Variants in TMEM40 observed in about 807,000 individuals in gnomAD.
TMEM40 encodes the protein transmembrane protein 40.
A neutral mutation model predicts 40.8 loss-of-function variants in TMEM40; 34 were observed. The ratio of observed to expected loss-of-function variants is 0.83; its 90% CI spans 0.63 to 1.11. The LOEUF (loss-of-function observed/expected upper bound fraction) is 1.11, where lower values mean the gene tolerates loss of function less well. TMEM40 is among the 50% of genes least tolerant of loss of function. The pLI is 0.00. For missense variants in TMEM40, 296 were observed against 280.2 expected (o/e 1.06, Z -0.40); for synonymous variants, 106 against 107.0 (o/e 0.99, Z 0.06).
At chr3:12,745,169 C>G (rs1330995825) in intron 3 of TMEM40, among the ~76,000 whole-genome samples, 3 of 151,794 alleles carry the variant, frequency 2.0e-5, no homozygotes, top group Non-Finnish European at 4.4e-5. Flanking sequence ...AAGCGATTCT[C>G]TTGTCTCAGC....
chr3:12,734,850 C>G, intron 11 of TMEM40, 57 bp from the exon 12 acceptor site: 2 of 1,563,710 alleles, frequency 1.3e-6, no homozygotes, highest in Non-Finnish European at 1.7e-6. Context: ...AGGCTTCATC[C>G]CCACCATCAC....
rs147042676 is a variant in TMEM40, at chr3:12,735,579, G to T, written c.658C>A (p.Leu220Ile). 2.6e-5 allele frequency: 42 copies of T among 1,613,466 alleles called. No homozygotes were observed. Among genetic ancestry groups the T allele is most frequent in the Non-Finnish European group, 3.5e-5 (41 of 1,179,810 alleles). Reference sequence around the variant, plus strand: ...CCTGTCAGCCTAAACTTCTGGAAGAGGGGGATGAAGCCTTGGAGGACGCTG... The same window carrying T: ...CCTGTCAGCCTAAACTTCTGGAAGATGGGGATGAAGCCTTGGAGGACGCTG... ...IHSVLQGFIP[L>I]FQKFRLTGFR... is the part of the protein sequence containing the mutation. Residue 220 changes from leucine to isoleucine, a missense_variant, in exon 11 of 12, where the codon CTC (leucine) becomes ATC (isoleucine). Coordinates refer to ENST00000314124, the MANE Select transcript of TMEM40 (RefSeq NM_018306.4).
intron 1 of TMEM40, among the ~76,000 whole-genome samples, chr3:12,752,760 G>A (rs189881215): frequency 5.3e-5 from 8 of 151,744 alleles, no homozygotes; most frequent in Middle Eastern, 3.4e-3. Context: ...TTGAGATCGC[G>A]CGACTGCACT....
chr3:12,762,232 A>G (rs866102234), upstream of TMEM40, among the ~76,000 whole-genome samples: 28 of 152,328 alleles, frequency 1.8e-4, no homozygotes, highest in African/African-American at 6.5e-4. Context: ...GGGTTCCCAA[A>G]GTGCTGGGAT....
intron 1 of TMEM40, among the ~76,000 whole-genome samples, chr3:12,757,595 G>C (rs886844343): frequency 1.3e-5 from 2 of 152,046 alleles, no homozygotes; most frequent in African/African-American, 2.4e-5. Flanking sequence ...ACACTAACAA[G>C]TATTGGTGAG....
intron 3 of TMEM40, among the ~76,000 whole-genome samples, chr3:12,746,526 G>A (rs2061429901): frequency 6.6e-6 from 1 of 152,206 alleles, no homozygotes; most frequent in African/African-American, 2.4e-5. Context: ...AGAGATGGTG[G>A]ATGTGACTAT....
intron 3 of TMEM40, among the ~76,000 whole-genome samples, chr3:12,748,069 G>C (rs2061443154): frequency 6.6e-6 from 1 of 152,146 alleles, no homozygotes; most frequent in Non-Finnish European, 1.5e-5. Flanking sequence ...ATAAACCTGG[G>C]AGGGGAAGAC....
chr3:12,764,447 C>G (rs1336997993), intron 1 of TMEM40, among the ~76,000 whole-genome samples: 1 of 152,184 alleles, frequency 6.6e-6, no homozygotes, highest in East Asian at 1.9e-4. Context: ...TCTTTCTATG[C>G]CTTCATGGAG....
chr3:12,743,223 T>C (rs1221157420), intron 4 of TMEM40, among the ~76,000 whole-genome samples: 2 of 152,242 alleles, frequency 1.3e-5, no homozygotes, highest in African/African-American at 4.8e-5. Context: ...ATCCCAGCAC[T>C]TTGGGAGGCC....
chr3:12,750,042 T>C (rs61422824), intron 1 of TMEM40, among the ~76,000 whole-genome samples: 17,899 of 151,376 alleles, frequency 0.12, 3,038 homozygotes, highest in African/African-American at 0.37. Flanking sequence ...GAGTGGGAAT[T>C]GGGGTGGTGG....
At position 12,734,741 on chromosome 3, in the gene TMEM40, G is replaced by A. The variant is rs754055798; in HGVS notation, c.*33C>T. 2 of 1,584,366 alleles carry A rather than the reference G, an allele frequency of 1.3e-6. No individual in the cohort carries two copies. Among genetic ancestry groups the A allele is most frequent in the Non-Finnish European group, 8.6e-7 (1 of 1,166,610 alleles). On this transcript the variant is annotated 3_prime_UTR_variant, in exon 12 of 12. Transcript: ENST00000314124. ...AGGGGTCGCAGTGGTGGTCACACTG[G>A]GGCCTGCCTCTGCTGCCCACCTGGA...
At chr3:12,738,284 G>GC (rs2061353150) in intron 6 of TMEM40, 116 bp from the exon 7 acceptor site, 1 of 1,206,494 alleles carries the variant, frequency 8.3e-7, no homozygotes, top group Non-Finnish European at 1.2e-6. Context: ...GAATTCTGCA[G>GC]CCCCCACGGT....
intron 8 of TMEM40, among the ~76,000 whole-genome samples, chr3:12,737,367 A>G (rs1575729858): frequency 6.6e-6 from 1 of 150,806 alleles, no homozygotes; most frequent in African/African-American, 2.4e-5. Context: ...AGCTCAGCTG[A>G]CCCTCCAGTT....
In TMEM40 at chr3:12,736,577, C is replaced by T; in HGVS notation, c.619+1G>A. 1.9e-6 allele frequency: 3 copies of T among 1,553,662 alleles called. No individual in the cohort carries two copies. Among genetic ancestry groups the T allele is most frequent in the Non-Finnish European group, 2.6e-6 (3 of 1,148,006 alleles). On this transcript the variant is annotated splice_donor_variant, in intron 10 of 11. Coordinates refer to ENST00000314124, the MANE Select transcript of TMEM40 (RefSeq NM_018306.4). LOFTEE classifies it high-confidence loss of function. ...GTGTCCATGCTGGGGGAGGGGCTTA[C>T]CTAGTCCGAAGTAGATGCCAACGGT...
At chr3:12,764,758 T>A (rs1019360670) in intron 1 of TMEM40, among the ~76,000 whole-genome samples, 1 of 152,242 alleles carries the variant, frequency 6.6e-6, no homozygotes, top group African/African-American at 2.4e-5. Context: ...AACCCTCAGA[T>A]GCCTGTGTCC....
chr3:12,739,123 G>A (rs139009701), intron 5 of TMEM40: 116 of 153,338 alleles, frequency 7.6e-4, no homozygotes, highest in African/African-American at 2.6e-3. Context: ...ACTGCACTCC[G>A]GCCTGGCGAC....
At chr3:12,737,337 T>C (rs2106605682) in intron 8 of TMEM40, among the ~76,000 whole-genome samples, 1 of 152,248 alleles carries the variant, frequency 6.6e-6, no homozygotes, top group East Asian at 1.9e-4. Flanking sequence ...TCTGGTCTAA[T>C]CTAACCTTAC....
At chr3:12,739,167 T>G (rs1361240844) in intron 5 of TMEM40, 3 of 152,676 alleles carry the variant, frequency 2.0e-5, no homozygotes, top group Admixed American at 6.5e-5. Context: ...AAAAAAAAAG[T>G]TTGGTAACTC....
At chr3:12,737,981 C>T in intron 7 of TMEM40, 155 bp downstream of exon 7, 1 of 1,077,380 alleles carries the variant, frequency 9.3e-7, no homozygotes, top group Non-Finnish European at 1.4e-6. Context: ...TCCATTTCCC[C>T]TGCACTGGAG....
Sources: gnomAD v4.1 joint callset for allele counts (sites outside exome capture counted in the v4.1 genomes callset) on GRCh38, gnomAD v4.1.1 for gene constraint, MANE v1.5 for transcripts, NCBI Gene and HGNC (gene_info 2026-07-23, HGNC 2026-07-21) for gene names.